ADAMTSL1: variants seen among roughly 807,000 people sequenced by gnomAD.
The protein encoded by ADAMTSL1 is ADAMTS like 1, also known as ADAMTS-like protein 1.
Under a neutral mutation model 201.8 loss-of-function variants are expected in ADAMTSL1, and 126 were observed. The observed-to-expected ratio is 0.62, with a 90% CI of 0.54 to 0.72. The LOEUF is 0.72. ADAMTSL1 is among the 30% of genes least tolerant of loss of function. ADAMTSL1 has a pLI of 0.00. For synonymous variants in ADAMTSL1, 1,121 were observed against 903.4 expected, an observed-to-expected ratio of 1.24 and a Z score of -4.32; for missense variants, 2,679 against 2,277.8, an observed-to-expected ratio of 1.18 and a Z score of -3.59.
intron 23 of ADAMTSL1, among the ~76,000 whole-genome samples, chr9:18,886,197 T>C (rs1487285915): frequency 1.6e-4 from 21 of 128,644 alleles, no homozygotes; most frequent in South Asian, 5.4e-4. Flanking sequence ...TATATATATA[T>C]ATATATATAT....
intron 1 of ADAMTSL1, among the ~76,000 whole-genome samples, chr9:18,052,133 T>C (rs1488758879): frequency 6.6e-6 from 1 of 152,228 alleles, no homozygotes; most frequent in Non-Finnish European, 1.5e-5. Context: ...GTGAAAATCA[T>C]TGTCATACTT....
intron 2 of ADAMTSL1, among the ~76,000 whole-genome samples, chr9:18,175,054 A>G (rs1444187363): frequency 6.6e-6 from 1 of 152,186 alleles, no homozygotes; most frequent in African/African-American, 2.4e-5. Flanking sequence ...AAATTTTAAC[A>G]CCAACTTTGA....
At chr9:18,249,329 A>T (rs748532537) in intron 2 of ADAMTSL1, among the ~76,000 whole-genome samples, 6 of 152,222 alleles carry the variant, frequency 3.9e-5, no homozygotes, top group Non-Finnish European at 7.3e-5. Context: ...TAATGGTTTG[A>T]GTCTCAGCTT....
intron 1 of ADAMTSL1, among the ~76,000 whole-genome samples, chr9:18,483,857 A>T (rs569371980): frequency 6.6e-6 from 1 of 152,178 alleles, no homozygotes; most frequent in South Asian, 2.1e-4. Context: ...CAAAACAAAA[A>T]ACTCAAAGAT....
intron 1 of ADAMTSL1, among the ~76,000 whole-genome samples, chr9:17,908,460 C>CT (rs541822002): frequency 0.021 from 3,000 of 145,486 alleles, 36 homozygotes; most frequent in South Asian, 0.034. Context: ...CTTAATGTGA[C>CT]TTTTTTTTTT....
At chr9:18,630,429 G>A (rs935733551) in intron 5 of ADAMTSL1, among the ~76,000 whole-genome samples, 2 of 152,148 alleles carry the variant, frequency 1.3e-5, no homozygotes, top group African/African-American at 2.4e-5. Context: ...ACCCTCTTGG[G>A]TGTCCAGAGT....
chr9:17,934,280 C>A (rs1179801869), intron 1 of ADAMTSL1, among the ~76,000 whole-genome samples: 4 of 152,134 alleles, frequency 2.6e-5, no homozygotes, highest in African/African-American at 7.2e-5. Context: ...AAGCTTTATT[C>A]CTGTCTTTAA....
intron 2 of ADAMTSL1, among the ~76,000 whole-genome samples, chr9:18,249,053 G>A (rs1222864341): frequency 3.3e-5 from 5 of 152,270 alleles, no homozygotes; most frequent in Admixed American, 6.5e-5. Flanking sequence ...ATTCTTGGAT[G>A]TTGTGAGGAA....
chr9:17,937,504 A>G (rs145799815), intron 1 of ADAMTSL1, among the ~76,000 whole-genome samples: 35 of 152,158 alleles, frequency 2.3e-4, no homozygotes, highest in African/African-American at 8.2e-4. Context: ...TAATTCTATA[A>G]CATTGTTTCT....
intron 4 of ADAMTSL1, among the ~76,000 whole-genome samples, chr9:18,578,264 A>G (rs1822865787): frequency 6.6e-6 from 1 of 152,162 alleles, no homozygotes; most frequent in Non-Finnish European, 1.5e-5. Flanking sequence ...TATGAAAACA[A>G]TAGGTTTAAT....
chr9:18,790,559 T>C (rs1821968897), intron 19 of ADAMTSL1, among the ~76,000 whole-genome samples: 1 of 152,202 alleles, frequency 6.6e-6, no homozygotes, highest in Non-Finnish European at 1.5e-5. Flanking sequence ...AGATGATTTA[T>C]CCTGAAAGAG....
chr9:18,202,456 C>G (rs1342202823), intron 2 of ADAMTSL1, among the ~76,000 whole-genome samples: 1 of 152,182 alleles, frequency 6.6e-6, no homozygotes, highest in Non-Finnish European at 1.5e-5. Context: ...ATGATGATCC[C>G]AGAAACATTT....
chr9:18,039,491 T>C (rs1821345394), intron 1 of ADAMTSL1, among the ~76,000 whole-genome samples: 1 of 152,182 alleles, frequency 6.6e-6, no homozygotes, highest in Admixed American at 6.6e-5. Flanking sequence ...GAGTGTATTA[T>C]TGGTGTATTT....
intron 2 of ADAMTSL1, among the ~76,000 whole-genome samples, chr9:18,391,972 C>G (rs943679371): frequency 9.9e-5 from 15 of 151,498 alleles, no homozygotes; most frequent in Non-Finnish European, 1.5e-5. Flanking sequence ...CTACAGGTGC[C>G]CGCCACCATG....
intron 1 of ADAMTSL1, among the ~76,000 whole-genome samples, chr9:18,047,697 A>T (rs1484688612): frequency 6.6e-6 from 1 of 152,158 alleles, no homozygotes. Context: ...AGACACTTTA[A>T]ATTGGCATGC....
At chr9:18,408,456 G>T (rs567967099) in intron 2 of ADAMTSL1, among the ~76,000 whole-genome samples, 1 of 152,090 alleles carries the variant, frequency 6.6e-6, no homozygotes, top group African/African-American at 2.4e-5. Context: ...GGGTGATAGA[G>T]TGAGACACTC....
intron 2 of ADAMTSL1, among the ~76,000 whole-genome samples, chr9:18,291,570 G>A (rs1044773134): frequency 5.3e-5 from 8 of 151,944 alleles, no homozygotes; most frequent in African/African-American, 1.9e-4. Flanking sequence ...GCCTTATGTA[G>A]ACTCCCTTTG....
At chr9:18,487,611 C>T (rs538461088) in intron 1 of ADAMTSL1, among the ~76,000 whole-genome samples, 27 of 152,246 alleles carry the variant, frequency 1.8e-4, no homozygotes, top group Non-Finnish European at 2.6e-4. Flanking sequence ...TTATGTATGT[C>T]GTGTCATATA....
At chr9:18,424,818 C>T (rs1365542953) in intron 2 of ADAMTSL1, among the ~76,000 whole-genome samples, 3 of 152,120 alleles carry the variant, frequency 2.0e-5, no homozygotes, top group Admixed American at 6.5e-5. Flanking sequence ...GTTCTACAGC[C>T]AGCCTTTCTG....
Sources: gnomAD v4.1 joint callset for allele counts (sites outside exome capture counted in the v4.1 genomes callset) on GRCh38, gnomAD v4.1.1 for gene constraint, MANE v1.5 for transcripts, NCBI Gene and HGNC (gene_info 2026-07-23, HGNC 2026-07-21) for gene names.